NAT1: variants seen among roughly 807,000 people sequenced by gnomAD.
The protein encoded by NAT1 is arylamine N-acetyltransferase 1.
For synonymous variants in NAT1, 144 were observed against 122.6 expected (o/e 1.17, Z -1.16); for missense variants, 400 against 339.2 (o/e 1.18, Z -1.41).
chr8:18,201,575 G>C (rs1803464280), intron 2 of NAT1, among the ~76,000 whole-genome samples: 1 of 152,190 alleles, frequency 6.6e-6, no homozygotes, highest in African/African-American at 2.4e-5. Context: ...GAAAAGCATG[G>C]TTTGGTCACC....
At chr8:18,216,718 T>C (rs1204898304) in intron 1 of NAT1, among the ~76,000 whole-genome samples, 1 of 152,006 alleles carries the variant, frequency 6.6e-6, no homozygotes, top group Non-Finnish European at 1.5e-5. Context: ...GAGCAGGAAA[T>C]AGTAATATTG....
At chr8:18,197,772 G>T (rs1042558364) in intron 2 of NAT1, among the ~76,000 whole-genome samples, 2 of 152,080 alleles carry the variant, frequency 1.3e-5, no homozygotes, top group South Asian at 2.1e-4. Flanking sequence ...ATTAATCATG[G>T]TAATCCCATT....
intron 2 of NAT1, among the ~76,000 whole-genome samples, chr8:18,174,446 T>A (rs1442108737): frequency 1.3e-5 from 2 of 152,160 alleles, no homozygotes; most frequent in Admixed American, 6.6e-5. Flanking sequence ...TACTGTTTTC[T>A]AGCTACCTTC....
intron 2 of NAT1, among the ~76,000 whole-genome samples, chr8:18,192,256 C>A (rs1277748525): frequency 6.6e-6 from 1 of 152,160 alleles, no homozygotes; most frequent in African/African-American, 2.4e-5. Context: ...TCATCACTGG[C>A]CATCACAGAA....
At chr8:18,211,673 G>A (rs1252044537) in intron 1 of NAT1, among the ~76,000 whole-genome samples, 1 of 152,166 alleles carries the variant, frequency 6.6e-6, no homozygotes, top group Non-Finnish European at 1.5e-5. Flanking sequence ...TGGTCTTTGG[G>A]TGCGGCTAGT....
At chr8:18,204,856 C>T (rs1803640938) in intron 2 of NAT1, among the ~76,000 whole-genome samples, 1 of 152,126 alleles carries the variant, frequency 6.6e-6, no homozygotes, top group African/African-American at 2.4e-5. Context: ...TCTTAGAAAT[C>T]CTTTTATCCT....
upstream of NAT1, among the ~76,000 whole-genome samples, chr8:18,206,859 A>G (rs1214948798): frequency 6.6e-6 from 1 of 151,702 alleles, no homozygotes. Flanking sequence ...ATGATATTAG[A>G]TAGCTCTTTT....
chr8:18,175,140 C>G (rs926209531), intron 2 of NAT1, among the ~76,000 whole-genome samples: 26 of 151,650 alleles, frequency 1.7e-4, no homozygotes, highest in Non-Finnish European at 1.3e-4. Flanking sequence ...ATGTTTTGAT[C>G]TATGTATACA....
At chr8:18,172,712 A>C (rs1294200532) in intron 2 of NAT1, among the ~76,000 whole-genome samples, 1 of 152,212 alleles carries the variant, frequency 6.6e-6, no homozygotes, top group Admixed American at 6.5e-5. Flanking sequence ...TCCTTGAAAG[A>C]TTATAGCTTA....
chr8:18,222,578 T>C lies in NAT1; in HGVS notation c.531T>C (p.His177=), dbSNP rs1330999699. 6.2e-7 allele frequency: 1 copy of C among 1,614,034 alleles called. No homozygotes were observed. Among genetic ancestry groups the C allele is most frequent in the East Asian group, 2.2e-5 (1 of 44,874 alleles). The stretch of plus-strand genomic sequence containing the variant: ...ACATTCCAAATGAAGAATTTCTTCA[T>C]TCTGATCTCCTAGAAGACAGCAAAT... ...EQYIPNEEFL[H]SDLLEDSKYR... is the part of the protein sequence containing the mutation. Residue 177 remains histidine (H), a synonymous_variant, in exon 3 of 3, where the codon CAT becomes CAC. Coordinates refer to ENST00000307719, the MANE Select transcript of NAT1 (RefSeq NM_000662.8).
chr8:18,189,885 GTTCAAGCGA>G (rs1279543573), intron 2 of NAT1, among the ~76,000 whole-genome samples: 1 of 152,158 alleles, frequency 6.6e-6, no homozygotes, highest in African/African-American at 2.4e-5. Context: ...CACCTCCTGG[GTTCAAGCGA>G]TTCTCCTGCC....
chr8:18,174,230 G>A (rs1409529197), intron 2 of NAT1, among the ~76,000 whole-genome samples: 1 of 152,136 alleles, frequency 6.6e-6, no homozygotes, highest in Non-Finnish European at 1.5e-5. Flanking sequence ...AAAGCTGTGA[G>A]GCAAGGCTGT....
At chr8:18,181,154 T>C (rs1802498070) in intron 2 of NAT1, among the ~76,000 whole-genome samples, 1 of 152,162 alleles carries the variant, frequency 6.6e-6, no homozygotes, top group Non-Finnish European at 1.5e-5. Flanking sequence ...CTTTCCATTT[T>C]TTGGGTCCTC....
At chr8:18,187,462 G>A (rs1215968611) in intron 2 of NAT1, among the ~76,000 whole-genome samples, 1 of 152,140 alleles carries the variant, frequency 6.6e-6, no homozygotes, top group Non-Finnish European at 1.5e-5. Flanking sequence ...GCCCATCAAT[G>A]GCGGACTGGC....
At chr8:18,216,834 G>A in intron 1 of NAT1, 1 of 1,237,722 alleles carries the variant, frequency 8.1e-7, no homozygotes, top group Non-Finnish European at 1.1e-6. Flanking sequence ...CACAAAAATG[G>A]TAAGGGGGAA....
At chr8:18,175,522 A>G (rs1802262206) in intron 2 of NAT1, among the ~76,000 whole-genome samples, 1 of 152,108 alleles carries the variant, frequency 6.6e-6, no homozygotes, top group Non-Finnish European at 1.5e-5. Flanking sequence ...AGCTCCATCT[A>G]TGTTGTCACA....
rs796211313 is a variant in NAT1, at chr8:18,220,348, T to C, written c.-7+859T>C. On this transcript the variant is annotated intron_variant, in intron 2 of 2. Transcript: ENST00000307719. Reference sequence around the variant, plus strand: ...ATAGGAGAATATAGAAGAAATGTTATGAGAAGGGAAAATAAGAGATGCTCC... The same window carrying C: ...ATAGGAGAATATAGAAGAAATGTTACGAGAAGGGAAAATAAGAGATGCTCC... Among the ~76,000 whole-genome samples the C allele has an allele frequency of 1.3e-4, 20 of 151,950 alleles. 1 individual carries two copies. The highest frequency in any genetic ancestry group is 4.8e-4 in the African/African-American group (20 of 41,442).
intron 2 of NAT1, among the ~76,000 whole-genome samples, chr8:18,187,035 A>G (rs1802765076): frequency 1.3e-5 from 2 of 152,134 alleles, no homozygotes; most frequent in Non-Finnish European, 2.9e-5. Flanking sequence ...TTGTACTTAA[A>G]CACCTGTATT....
At chr8:18,189,009 A>AAG (rs1554469685) in intron 2 of NAT1, among the ~76,000 whole-genome samples, 53 of 149,246 alleles carry the variant, frequency 3.6e-4, no homozygotes, top group African/African-American at 1.1e-3. Context: ...AAAAAAAAAA[A>AAG]AAAGAAAGAA....
Sources: gnomAD v4.1 joint callset for allele counts (sites outside exome capture counted in the v4.1 genomes callset) on GRCh38, gnomAD v4.1.1 for gene constraint, MANE v1.5 for transcripts, NCBI Gene and HGNC (gene_info 2026-07-23, HGNC 2026-07-21) for gene names.